LRP1B: variants seen among roughly 807,000 people sequenced by gnomAD.
LRP1B encodes LDL receptor related protein 1B.
Under a neutral mutation model 556.6 loss-of-function variants are expected in LRP1B, and 217 were observed. That is an observed-to-expected ratio of 0.39 (90% confidence interval 0.35 to 0.44). The LOEUF is 0.44. Among genes scored for constraint, LRP1B ranks in the 20% least tolerant of loss-of-function variants. LRP1B has a pLI of 1.00. For missense variants in LRP1B, 5,053 were observed against 5,620.8 expected (o/e 0.90, Z 3.23); for synonymous variants, 2,047 against 1,865.8 (o/e 1.10, Z -2.50).
At chr2:140,457,380 A>T in intron 61 of LRP1B, 83 bp downstream of exon 61, 1 of 1,089,880 alleles carries the variant, frequency 9.2e-7, no homozygotes, top group Non-Finnish European at 1.3e-6. Flanking sequence ...AAATAAAATT[A>T]CATTTAACCT....
chr2:141,290,617 C>T (rs886415271), intron 3 of LRP1B, among the ~76,000 whole-genome samples: 7 of 152,010 alleles, frequency 4.6e-5, no homozygotes, highest in Non-Finnish European at 7.4e-5. Flanking sequence ...GTTCCTAATA[C>T]CTGACTTAAT....
intron 23 of LRP1B, chr2:140,898,841 A>T: frequency 2.1e-6 from 1 of 480,018 alleles, no homozygotes; most frequent in African/African-American, 2.0e-5. Context: ...CTTTCCAAGA[A>T]CCAGATCTGA....
chr2:141,117,090 C>A (rs1247472587), intron 7 of LRP1B, among the ~76,000 whole-genome samples: 2 of 151,854 alleles, frequency 1.3e-5, no homozygotes, highest in Non-Finnish European at 2.9e-5. Context: ...TCAGGAATGC[C>A]CCAAGTATCT....
chr2:140,813,548 A>T lies in LRP1B; in HGVS notation c.5359+109T>A, dbSNP rs953033109. The T allele has an allele frequency of 1.4e-5, 12 of 879,996 alleles. No homozygotes were observed. In the African/African-American group the frequency reaches 2.0e-4, roughly 15 times the overall value. The allele number at this position is 879,996 out of a possible 1,614,324, so 54.5% of individuals were successfully genotyped here. On this transcript the variant is annotated intron_variant, in intron 32 of 90. Coordinates refer to ENST00000389484, the MANE Select transcript of LRP1B (RefSeq NM_018557.3). ...CCTCATAGAAGTGTTCAATTTGAAT[A>T]TAGTTCTGGTGTTAGTGGAGCAGTA... is the stretch of plus-strand genomic sequence containing the variant.
At chr2:141,782,223 A>T (rs1219899036) in intron 2 of LRP1B, among the ~76,000 whole-genome samples, 1 of 152,112 alleles carries the variant, frequency 6.6e-6, no homozygotes, top group Non-Finnish European at 1.5e-5. Context: ...TGCCATAGGT[A>T]CAGATTGTTT....
At chr2:140,737,853 C>T (rs1012788404) in intron 35 of LRP1B, among the ~76,000 whole-genome samples, 1 of 152,148 alleles carries the variant, frequency 6.6e-6, no homozygotes, top group Non-Finnish European at 1.5e-5. Context: ...GCCTTAATCA[C>T]GTAATAGCCC....
At chr2:140,381,861 C>CA (rs56723132) in intron 67 of LRP1B, among the ~76,000 whole-genome samples, 2,677 of 63,510 alleles carry the variant, frequency 0.042, 54 homozygotes, top group Admixed American at 0.058. Context: ...GGCTCCCTTT[C>CA]AAAAAAAAAA....
At chr2:141,690,241 T>C (rs902637677) in intron 2 of LRP1B, among the ~76,000 whole-genome samples, 4 of 151,018 alleles carry the variant, frequency 2.6e-5, no homozygotes, top group African/African-American at 9.7e-5. Flanking sequence ...TGAATTTTAT[T>C]ATGCTTTACA....
At chr2:141,855,439 A>G (rs1341409530) in intron 1 of LRP1B, among the ~76,000 whole-genome samples, 2 of 152,290 alleles carry the variant, frequency 1.3e-5, no homozygotes, top group African/African-American at 4.8e-5. Flanking sequence ...AGCAGAGGCT[A>G]GTGAGAAGAA....
At chr2:141,874,752 A>T (rs1157732310) in intron 1 of LRP1B, among the ~76,000 whole-genome samples, 3 of 151,990 alleles carry the variant, frequency 2.0e-5, no homozygotes, top group Non-Finnish European at 4.4e-5. Context: ...GAAAAAAAAT[A>T]AAAAATAAAA....
chr2:140,407,040 T>C lies in LRP1B; in HGVS notation c.10415-21031A>G, dbSNP rs1684771091. 2.6e-5 allele frequency among the ~76,000 whole-genome samples: 4 copies of C among 152,004 alleles called. No individual in the cohort carries two copies. In the South Asian group the frequency reaches 8.3e-4, roughly 31 times the overall value. On this transcript the variant is annotated intron_variant, in intron 66 of 90. Coordinates refer to ENST00000389484, the MANE Select transcript of LRP1B (RefSeq NM_018557.3). ...CAAAGAATCCAAAAATAAAGCTGAA[T>C]ATTTATAGCCAACTGATCTTTGAGA...
chr2:140,637,105 C>T (rs1684096644), intron 41 of LRP1B, among the ~76,000 whole-genome samples: 1 of 152,042 alleles, frequency 6.6e-6, no homozygotes, highest in Non-Finnish European at 1.5e-5. Context: ...AGAATTCTTA[C>T]CCAATGTAGA....
intron 18 of LRP1B, among the ~76,000 whole-genome samples, chr2:140,965,578 T>G (rs532316469): frequency 1.6e-4 from 25 of 152,222 alleles, no homozygotes; most frequent in Admixed American, 3.9e-4. Flanking sequence ...TATTAGACTT[T>G]AAGTTCTAGG....
At chr2:142,077,604 T>C (rs1033808324) in intron 1 of LRP1B, among the ~76,000 whole-genome samples, 1 of 152,146 alleles carries the variant, frequency 6.6e-6, no homozygotes, top group African/African-American at 2.4e-5. Flanking sequence ...TGGATTTATA[T>C]ATAAGGTAAC....
At chr2:141,728,459 C>CT (rs973120605) in intron 2 of LRP1B, among the ~76,000 whole-genome samples, 13 of 151,834 alleles carry the variant, frequency 8.6e-5, no homozygotes, top group Admixed American at 5.3e-4. Flanking sequence ...TTCTATTTTA[C>CT]TTTTTTTTAA....
At position 141,769,153 on chromosome 2, in the gene LRP1B, G is replaced by T. The variant is rs192967067; in HGVS notation, c.205+41126C>A. Among the ~76,000 whole-genome samples the T allele has an allele frequency of 1.1e-4, 17 of 152,188 alleles. No individual in the cohort carries two copies. The East Asian group carries it at 3.3e-3, about 29-fold the overall frequency. On this transcript the variant is annotated intron_variant, in intron 2 of 90. Coordinates refer to ENST00000389484, the MANE Select transcript of LRP1B (RefSeq NM_018557.3). ...CTAGTGTCCACATTTTATCCATTTT[G>T]TTTCTGCTGGGTAATGCAAGTCTCA...
intron 6 of LRP1B, among the ~76,000 whole-genome samples, chr2:141,195,582 C>T (rs1027187339): frequency 2.0e-5 from 3 of 152,134 alleles, no homozygotes; most frequent in African/African-American, 7.2e-5. Flanking sequence ...TTCTGACCAA[C>T]CTGTAAACAA....
At chr2:141,537,034 T>C (rs1222842461) in intron 2 of LRP1B, among the ~76,000 whole-genome samples, 4 of 152,024 alleles carry the variant, frequency 2.6e-5, no homozygotes, top group Admixed American at 2.6e-4. Context: ...AAATCCCTGC[T>C]TTTCAAAGGA....
intron 12 of LRP1B, among the ~76,000 whole-genome samples, chr2:141,019,242 C>A (rs140339238): frequency 2.7e-3 from 409 of 152,072 alleles, no homozygotes; most frequent in Middle Eastern, 0.017. Context: ...GTAATACATA[C>A]TATAAAATGA....
Sources: allele counts gnomAD v4.1 joint callset (sites outside exome capture counted in the v4.1 genomes callset), GRCh38; gene constraint gnomAD v4.1.1; transcripts MANE v1.5; gene names NCBI Gene and HGNC (gene_info 2026-07-23, HGNC 2026-07-21).